Variants in NBAS observed in about 807,000 individuals in gnomAD.
NBAS encodes NAG/BC035112 fusion.
In NBAS, 219 loss-of-function variants were observed where a neutral mutation model predicts 302.5. The observed-to-expected ratio is 0.72, with a 90% confidence interval of 0.65 to 0.81. NBAS has a LOEUF of 0.81. Among genes scored for constraint, NBAS ranks in the 30% least tolerant of loss-of-function variants. The probability of loss-of-function intolerance (pLI) is 0.00; values close to 1 mark genes in which losing one functional copy is unlikely to be tolerated. For synonymous variants in NBAS, 1,118 were observed against 1,021.6 expected, an observed-to-expected ratio of 1.09 and a Z score of -1.80; for missense variants, 2,932 against 2,841.6, an observed-to-expected ratio of 1.03 and a Z score of -0.72.
chr2:14,786,825 A>G, the NBAS span, among the ~76,000 whole-genome samples: 4 of 152,066 alleles, frequency 2.6e-5, no homozygotes, highest in Non-Finnish European at 4.4e-5. Flanking sequence ...AGTTCTGTAG[A>G]TGTCTATTAG....
chr2:15,465,756 C>T (rs894846184), intron 19 of NBAS, among the ~76,000 whole-genome samples: 9 of 151,894 alleles, frequency 5.9e-5, no homozygotes, highest in African/African-American at 1.9e-4. Flanking sequence ...GTTACTGTTA[C>T]AGTATAATAA....
chr2:14,892,292 A>C, the NBAS span, among the ~76,000 whole-genome samples: 1 of 152,164 alleles, frequency 6.6e-6, no homozygotes, highest in East Asian at 1.9e-4. Flanking sequence ...AGGAGGCAGC[A>C]ATGATCAATA....
At chr2:15,232,704 T>C (rs1667430965) in intron 46 of NBAS, among the ~76,000 whole-genome samples, 193 bp from the exon 47 acceptor site, 1 of 152,218 alleles carries the variant, frequency 6.6e-6, no homozygotes, top group African/African-American at 2.4e-5. Flanking sequence ...TTTTCTGCCC[T>C]TAAGGAGCTC....
the NBAS span, among the ~76,000 whole-genome samples, chr2:15,105,231 G>A: frequency 2.0e-4 from 30 of 152,136 alleles, 2 homozygotes; most frequent in East Asian, 5.8e-3. Flanking sequence ...ACACAGGGAG[G>A]GGACTATCAA....
At chr2:14,963,473 C>A in the NBAS span, among the ~76,000 whole-genome samples, 1 of 152,122 alleles carries the variant, frequency 6.6e-6, no homozygotes. Flanking sequence ...TGGTGTAACA[C>A]ATACTTTTTC....
At chr2:15,505,580 A>G (rs1198311191) in intron 10 of NBAS, among the ~76,000 whole-genome samples, 1 of 152,204 alleles carries the variant, frequency 6.6e-6, no homozygotes, top group East Asian at 1.9e-4. Context: ...ACAAAACCGA[A>G]AAAATCTGCT....
the NBAS span, among the ~76,000 whole-genome samples, chr2:15,123,464 G>T: frequency 6.6e-6 from 1 of 152,158 alleles, no homozygotes; most frequent in Non-Finnish European, 1.5e-5. Context: ...AAGAATATGA[G>T]AATGGGAAAT....
At chr2:15,527,942 T>C (rs1285118100) in intron 9 of NBAS, among the ~76,000 whole-genome samples, 1 of 152,018 alleles carries the variant, frequency 6.6e-6, no homozygotes, top group Non-Finnish European at 1.5e-5. Context: ...CAAATGATCA[T>C]ATTTCCTCAG....
At chr2:15,423,031 C>G (rs533514570) in intron 23 of NBAS, among the ~76,000 whole-genome samples, 9 of 152,172 alleles carry the variant, frequency 5.9e-5, no homozygotes, top group Admixed American at 1.3e-4. Flanking sequence ...CAACAACCTA[C>G]GTGGAGTTGA....
At chr2:14,795,781 G>A in the NBAS span, among the ~76,000 whole-genome samples, 1 of 151,238 alleles carries the variant, frequency 6.6e-6, no homozygotes, top group East Asian at 1.9e-4. Context: ...CCTCTACCTA[G>A]CAGATATGAG....
chr2:15,032,725 G>A, the NBAS span, among the ~76,000 whole-genome samples: 1 of 152,196 alleles, frequency 6.6e-6, no homozygotes, highest in East Asian at 1.9e-4. Flanking sequence ...TCCCATGGGT[G>A]TGAACCACGG....
the NBAS span, among the ~76,000 whole-genome samples, chr2:14,895,567 T>A: frequency 1.3e-5 from 2 of 152,044 alleles, no homozygotes; most frequent in African/African-American, 4.8e-5. Flanking sequence ...TGAAACCCCA[T>A]CTCCACTAAA....
chr2:15,407,909 A>G (rs980877380), intron 25 of NBAS, among the ~76,000 whole-genome samples: 2 of 152,186 alleles, frequency 1.3e-5, no homozygotes, highest in East Asian at 3.8e-4. Context: ...GAGAGAACCC[A>G]CTTCCTTACC....
At chr2:15,322,295 A>C (rs1255030362) in intron 38 of NBAS, among the ~76,000 whole-genome samples, 2 of 152,138 alleles carry the variant, frequency 1.3e-5, no homozygotes. Context: ...GTAAATGACG[A>C]GTTGATGGGT....
chr2:14,846,889 C>T, the NBAS span, among the ~76,000 whole-genome samples: 5 of 150,990 alleles, frequency 3.3e-5, no homozygotes, highest in Non-Finnish European at 7.4e-5. Context: ...AAAAGGAAGA[C>T]AAGAAGGAAG....
At chr2:15,122,705 T>C in the NBAS span, among the ~76,000 whole-genome samples, 20,733 of 152,146 alleles carry the variant, frequency 0.14, 2,677 homozygotes, top group African/African-American at 0.33. Context: ...AGAACACACC[T>C]AATAATACTG....
chr2:15,093,207 G>C, the NBAS span, among the ~76,000 whole-genome samples: 2 of 152,120 alleles, frequency 1.3e-5, no homozygotes, highest in African/African-American at 4.8e-5. Context: ...CTTGAGCTCA[G>C]GAGTTTGAGA....
chr2:15,281,644 A>C (rs1669830101), intron 42 of NBAS, among the ~76,000 whole-genome samples: 1 of 152,188 alleles, frequency 6.6e-6, no homozygotes, highest in Non-Finnish European at 1.5e-5. Context: ...TTTGCAGAGG[A>C]GAAAACTTAG....
At chr2:14,929,935 G>A in the NBAS span, among the ~76,000 whole-genome samples, 1 of 152,166 alleles carries the variant, frequency 6.6e-6, no homozygotes, top group Non-Finnish European at 1.5e-5. Context: ...TCTTGTGATA[G>A]TGAGTTATCA....
Sources: gnomAD v4.1 joint callset for allele counts (sites outside exome capture counted in the v4.1 genomes callset) on GRCh38, gnomAD v4.1.1 for gene constraint, MANE v1.5 for transcripts, NCBI Gene and HGNC (gene_info 2026-07-23, HGNC 2026-07-21) for gene names.